The following DDAH1 variants were observed in gnomAD, a reference collection of about 807,000 sequenced individuals.
DDAH1 encodes the protein dimethylarginine dimethylaminohydrolase 1, also known as N(G),N(G)-dimethylarginine dimethylaminohydrolase 1.
In DDAH1, 19 loss-of-function variants were observed where a neutral mutation model predicts 28.8. That is an observed-to-expected ratio of 0.66 (90% CI 0.46 to 0.97). The LOEUF (loss-of-function observed/expected upper bound fraction) is 0.97. DDAH1 is among the 50% of genes least tolerant of loss of function. The probability of loss-of-function intolerance (pLI) is 0.00; values close to 1 mark genes in which losing one functional copy is unlikely to be tolerated. For missense variants in DDAH1, 326 were observed against 375.9 expected (o/e 0.87, Z 1.10); for synonymous variants, 153 against 154.4 (o/e 0.99, Z 0.07).
intron 1 of DDAH1, among the ~76,000 whole-genome samples, chr1:85,403,578 A>G (rs1436546560): frequency 6.6e-6 from 1 of 152,076 alleles, no homozygotes; most frequent in Non-Finnish European, 1.5e-5. Flanking sequence ...CAACCCCCAA[A>G]TTGCTCCTTA....
In DDAH1 at chr1:85,464,194, C is replaced by A. The variant is rs1339253717; in HGVS notation, c.303+549G>T. Among the ~76,000 whole-genome samples the A allele has an allele frequency of 6.6e-6, 1 of 152,152 alleles. No individual in the cohort carries two copies. Among genetic ancestry groups the A allele is most frequent in the Admixed American group, 6.5e-5 (1 of 15,284 alleles). On this transcript the variant is annotated intron_variant, in intron 1 of 5. Coordinates refer to ENST00000284031, the MANE Select transcript of DDAH1 (RefSeq NM_012137.4). This position sits in a 1 kb window ranked among gnomAD's most constrained non-coding sequence, Gnocchi z 4.4. ...CTTCCATTCATTCACTTACTAGTCC[C>A]GTTCTTTGGGACTCACTCGCCACCA...
intron 1 of DDAH1, among the ~76,000 whole-genome samples, chr1:85,361,155 C>CCA (rs1309026732): frequency 6.6e-6 from 1 of 152,210 alleles, no homozygotes; most frequent in Non-Finnish European, 1.5e-5. Flanking sequence ...CCATTGGGAA[C>CCA]CACACACTCT....
intron 1 of DDAH1, among the ~76,000 whole-genome samples, chr1:85,389,772 G>C (rs1257346418): frequency 1.3e-5 from 2 of 152,232 alleles, no homozygotes; most frequent in African/African-American, 4.8e-5. Context: ...GGGAACTCAT[G>C]TTCTAGTTGG....
chr1:85,540,462 T>G (rs993058145), intron 1 of DDAH1, among the ~76,000 whole-genome samples: 10 of 152,202 alleles, frequency 6.6e-5, no homozygotes, highest in Non-Finnish European at 1.5e-4. Flanking sequence ...TCCTCTGAAC[T>G]ACCATACATT....
chr1:85,379,756 T>G, intron 1 of DDAH1: 1 of 955,880 alleles, frequency 1.0e-6, no homozygotes, highest in African/African-American at 1.8e-5. Context: ...CCAACTCAGT[T>G]AATGTCATCA....
intron 4 of DDAH1, among the ~76,000 whole-genome samples, chr1:85,344,662 A>C (rs1026595575): frequency 4.6e-5 from 7 of 151,102 alleles, no homozygotes; most frequent in African/African-American, 1.7e-4. Context: ...GAATGCTACC[A>C]ATGAGGTCAA....
chr1:85,471,827 C>A (rs1296402059), intron 2 of DDAH1, among the ~76,000 whole-genome samples: 1 of 152,236 alleles, frequency 6.6e-6, no homozygotes, highest in Non-Finnish European at 1.5e-5. Context: ...CTGGTCCCCA[C>A]CTCCTCCTGT....
intron 1 of DDAH1, among the ~76,000 whole-genome samples, chr1:85,538,840 C>A (rs144024662): frequency 6.6e-6 from 1 of 152,138 alleles, no homozygotes; most frequent in Non-Finnish European, 1.5e-5. Context: ...TGTGTGCCTG[C>A]GGGATCAATT....
At chr1:85,480,963 C>G (rs770862725) in intron 2 of DDAH1, among the ~76,000 whole-genome samples, 2 of 151,646 alleles carry the variant, frequency 1.3e-5, no homozygotes, top group Non-Finnish European at 2.9e-5. Flanking sequence ...TAAAATGTAA[C>G]AGTAACTTTT....
intron 2 of DDAH1, among the ~76,000 whole-genome samples, chr1:85,491,001 C>T (rs914700183): frequency 4.0e-5 from 6 of 151,232 alleles, no homozygotes; most frequent in Admixed American, 6.6e-5. Flanking sequence ...TTTTTGCTTG[C>T]CCAATACACT....
chr1:85,328,384 C>T (rs1647542942), intron 4 of DDAH1, among the ~76,000 whole-genome samples: 2 of 152,210 alleles, frequency 1.3e-5, no homozygotes, highest in South Asian at 4.1e-4. Flanking sequence ...TTGACTTCTT[C>T]ATAGTAGAGT....
At chr1:85,510,966 C>A (rs1557707164) in intron 1 of DDAH1, among the ~76,000 whole-genome samples, 1 of 152,170 alleles carries the variant, frequency 6.6e-6, no homozygotes, top group African/African-American at 2.4e-5. Context: ...ACAAGGATAT[C>A]CAGGACCTGA....
At chr1:85,334,931 A>T (rs1169758674) in intron 4 of DDAH1, among the ~76,000 whole-genome samples, 1 of 152,196 alleles carries the variant, frequency 6.6e-6, no homozygotes, top group African/African-American at 2.4e-5. Flanking sequence ...ATATCCATCC[A>T]GTAAAATTAT....
chr1:85,481,979 G>T (rs1656029116), intron 2 of DDAH1, among the ~76,000 whole-genome samples: 1 of 152,198 alleles, frequency 6.6e-6, no homozygotes, highest in African/African-American at 2.4e-5. Flanking sequence ...AACAGTTAAG[G>T]TTCTGAAGGG....
intron 1 of DDAH1, among the ~76,000 whole-genome samples, chr1:85,528,401 C>T (rs1469824405): frequency 2.6e-5 from 4 of 151,932 alleles, no homozygotes; most frequent in Admixed American, 1.3e-4. Context: ...TGCAAAATTT[C>T]ATAATTGTAT....
chr1:85,504,847 G>A (rs978880902), intron 1 of DDAH1, among the ~76,000 whole-genome samples: 1 of 151,318 alleles, frequency 6.6e-6, no homozygotes, highest in Admixed American at 6.6e-5. Context: ...TGTGGCACTT[G>A]TTAAAAATAC....
At chr1:85,446,360 C>G (rs1020448503) in intron 1 of DDAH1, among the ~76,000 whole-genome samples, 1 of 152,130 alleles carries the variant, frequency 6.6e-6, no homozygotes, top group African/African-American at 2.4e-5. Flanking sequence ...CACTGACTAT[C>G]ATGAGAACAG....
chr1:85,564,741 G>A (rs1022031542), intron 1 of DDAH1, among the ~76,000 whole-genome samples: 2 of 151,780 alleles, frequency 1.3e-5, no homozygotes, highest in African/African-American at 4.8e-5. Context: ...ATGGTGGCGG[G>A]TGCCTGTAAT....
At chr1:85,396,928 G>A (rs779443013) in intron 1 of DDAH1, among the ~76,000 whole-genome samples, 6 of 151,860 alleles carry the variant, frequency 4.0e-5, no homozygotes, top group East Asian at 1.9e-4. Flanking sequence ...CTAGCTACTC[G>A]GGAGGCTGAG....
Sources: allele counts gnomAD v4.1 joint callset (sites outside exome capture counted in the v4.1 genomes callset), GRCh38; gene constraint gnomAD v4.1.1; non-coding constraint Gnocchi (gnomAD v3.1); transcripts MANE v1.5; gene names NCBI Gene and HGNC (gene_info 2026-07-23, HGNC 2026-07-21).